HHAT: variants seen among roughly 807,000 people sequenced by gnomAD.
HHAT encodes hedgehog acyltransferase, also known as protein-cysteine N-palmitoyltransferase HHAT.
In HHAT, 47 loss-of-function variants were observed where a neutral mutation model predicts 70.8. That is an observed-to-expected ratio of 0.66 (90% confidence interval 0.53 to 0.85). The LOEUF (loss-of-function observed/expected upper bound fraction) is 0.85. Among genes scored for constraint, HHAT ranks in the 40% least tolerant of loss-of-function variants. The probability of loss-of-function intolerance (pLI) is 0.00; values close to 1 mark genes in which losing one functional copy is unlikely to be tolerated. For synonymous variants in HHAT, 228 were observed against 247.6 expected (o/e 0.92, Z 0.74); for missense variants, 609 against 604.8 (o/e 1.01, Z -0.07).
At chr1:210,554,058 G>A (rs1407756820) in intron 9 of HHAT, among the ~76,000 whole-genome samples, 1 of 152,180 alleles carries the variant, frequency 6.6e-6, no homozygotes, top group Non-Finnish European at 1.5e-5. Flanking sequence ...GTGAGCAAGT[G>A]GAACCGGGGC....
intron 7 of HHAT, among the ~76,000 whole-genome samples, chr1:210,427,394 T>C (rs1439575920): frequency 1.1e-4 from 16 of 152,202 alleles, no homozygotes; most frequent in Non-Finnish European, 1.5e-5. Flanking sequence ...CTTTTGATGT[T>C]AGGTTATTAA....
chr1:210,333,813 G>A (rs1346095291), intron 1 of HHAT, among the ~76,000 whole-genome samples: 4 of 151,968 alleles, frequency 2.6e-5, no homozygotes, highest in South Asian at 2.1e-4. Context: ...GTTCACCACC[G>A]TGCCTGGCTA....
chr1:210,658,795 G>T (rs1012388275), intron 11 of HHAT, among the ~76,000 whole-genome samples: 1 of 152,114 alleles, frequency 6.6e-6, no homozygotes, highest in Non-Finnish European at 1.5e-5. Flanking sequence ...ACTCAAAACC[G>T]CACAACTACA....
intron 9 of HHAT, among the ~76,000 whole-genome samples, chr1:210,575,990 A>AT (rs1294864429): frequency 1.3e-5 from 2 of 152,082 alleles, no homozygotes; most frequent in African/African-American, 4.8e-5. Context: ...ACTTACCCTG[A>AT]CACACCCACA....
intron 9 of HHAT, among the ~76,000 whole-genome samples, chr1:210,543,863 G>A (rs1411323398): frequency 2.6e-5 from 4 of 151,970 alleles, no homozygotes; most frequent in Non-Finnish European, 5.9e-5. Context: ...TAAATTCATC[G>A]AGGCCTCATA....
chr1:210,483,094 C>G, intron 8 of HHAT, among the ~76,000 whole-genome samples: 1 of 152,250 alleles, frequency 6.6e-6, no homozygotes, highest in East Asian at 1.9e-4. Context: ...TGTAGATTTA[C>G]CACCAGTAAA....
chr1:210,428,808 C>T lies in HHAT; in HGVS notation c.856+10483C>T, dbSNP rs188810273. 4.1e-4 allele frequency among the ~76,000 whole-genome samples: 63 copies of T among 151,810 alleles called. 1 individual carries two copies. The highest frequency in any genetic ancestry group is 1.5e-3 in the African/African-American group (60 of 41,126). On this transcript the variant is annotated intron_variant, in intron 7 of 11. Coordinates refer to ENST00000261458, the MANE Select transcript of HHAT (RefSeq NM_018194.6). The stretch of plus-strand genomic sequence containing the variant: ...CCTGGGCAAGATGGCAAAACCCCAT[C>T]TCTACAGAAAATACAAAAATTAGCC...
intron 7 of HHAT, among the ~76,000 whole-genome samples, chr1:210,438,104 G>A (rs1175945991): frequency 6.6e-6 from 1 of 151,832 alleles, no homozygotes; most frequent in African/African-American, 2.4e-5. Flanking sequence ...CCACATAGCA[G>A]GAGTCAGCAT....
Position 210,642,678 on chromosome 1 carries a change from C to T in HHAT, c.1390+19008C>T, listed in dbSNP as rs530644107. 6.6e-5 allele frequency among the ~76,000 whole-genome samples: 10 copies of T among 152,220 alleles called. No individual in the cohort carries two copies. In the South Asian group the frequency reaches 2.1e-3, roughly 32 times the overall value. ...GAAATGTCTTTAGAAGTCTTTTGGC[C>T]ATTTAAAAATAATTGAGTTGATTGG... On this transcript the variant is annotated intron_variant, in intron 11 of 11. Transcript: ENST00000261458.
chr1:210,460,664 CTG>C (rs1214938257), intron 7 of HHAT, among the ~76,000 whole-genome samples: 1 of 152,060 alleles, frequency 6.6e-6, no homozygotes, highest in African/African-American at 2.4e-5. Flanking sequence ...TGTTCAATAA[CTG>C]TATGTTAAGT....
chr1:210,409,861 A>AT (rs2092465707), intron 6 of HHAT, among the ~76,000 whole-genome samples: 1 of 152,130 alleles, frequency 6.6e-6, no homozygotes, highest in African/African-American at 2.4e-5. Context: ...GTTAATGTGT[A>AT]TTTTTTAGTG....
At chr1:210,663,097 G>A (rs1169388387) in intron 11 of HHAT, among the ~76,000 whole-genome samples, 1 of 152,070 alleles carries the variant, frequency 6.6e-6, no homozygotes, top group Admixed American at 6.6e-5. Context: ...GGTCATGCAG[G>A]CACTGGGAAC....
chr1:210,346,573 T>A (rs2086545106), intron 1 of HHAT, among the ~76,000 whole-genome samples: 1 of 152,266 alleles, frequency 6.6e-6, no homozygotes, highest in South Asian at 2.1e-4. Flanking sequence ...AAAGCATGAA[T>A]GATTGCTTCT....
chr1:210,404,025 A>G (rs978331405), intron 5 of HHAT, among the ~76,000 whole-genome samples: 4 of 152,138 alleles, frequency 2.6e-5, no homozygotes, highest in African/African-American at 9.7e-5. Flanking sequence ...AAAAGAGGAA[A>G]ACGAAAAATA....
intron 9 of HHAT, among the ~76,000 whole-genome samples, chr1:210,585,905 A>G (rs1210364076): frequency 6.6e-6 from 1 of 152,168 alleles, no homozygotes; most frequent in Non-Finnish European, 1.5e-5. Context: ...GTGATGAAGA[A>G]TTTGGCCAGA....
chr1:210,334,772 A>G (rs572014274), intron 1 of HHAT, among the ~76,000 whole-genome samples: 1 of 151,974 alleles, frequency 6.6e-6, no homozygotes, highest in Non-Finnish European at 1.5e-5. Flanking sequence ...ATGAACTACT[A>G]TCACATATCC....
At chr1:210,609,484 G>A (rs887519522) in intron 10 of HHAT, among the ~76,000 whole-genome samples, 1 of 152,106 alleles carries the variant, frequency 6.6e-6, no homozygotes, top group Non-Finnish European at 1.5e-5. Flanking sequence ...AGTGAGCATA[G>A]TTTTTATGGT....
chr1:210,363,433 A>G (rs2088576492), intron 3 of HHAT, among the ~76,000 whole-genome samples: 1 of 152,166 alleles, frequency 6.6e-6, no homozygotes, highest in South Asian at 2.1e-4. Context: ...CAGAGTGGCC[A>G]CTGTTCTTTC....
At chr1:210,538,410 T>C (rs1402372013) in intron 9 of HHAT, among the ~76,000 whole-genome samples, 1 of 152,100 alleles carries the variant, frequency 6.6e-6, no homozygotes, top group African/African-American at 2.4e-5. Flanking sequence ...AGGAAAAATA[T>C]TTTAAAACTT....
Sources: gnomAD v4.1 joint callset for allele counts (sites outside exome capture counted in the v4.1 genomes callset) on GRCh38, gnomAD v4.1.1 for gene constraint, MANE v1.5 for transcripts, NCBI Gene and HGNC (gene_info 2026-07-23, HGNC 2026-07-21) for gene names.